GPAT2: variants seen among roughly 807,000 people sequenced by gnomAD.
The protein encoded by GPAT2 is 1-acylglycerol-3-phosphate O-acyltransferase GPAT2.
A neutral mutation model predicts 71.0 loss-of-function variants in GPAT2; 51 were observed. That is an observed-to-expected ratio of 0.72 (90% CI 0.57 to 0.91). GPAT2 has a LOEUF of 0.91. GPAT2 is among the 40% of genes least tolerant of loss of function. GPAT2 has a pLI of 0.00. For synonymous variants in GPAT2, 222 were observed against 290.3 expected (o/e 0.76, Z 2.39); for missense variants, 511 against 666.0 (o/e 0.77, Z 2.56).
At position 96,023,947 on chromosome 2, in the gene GPAT2, T is replaced by C. The variant is rs1463703344; in HGVS notation, c.1890A>G (p.Gln630=). Residue 630 remains glutamine (Q), a synonymous_variant, in exon 17 of 22, where the codon CAA becomes CAG. Coordinates refer to ENST00000434632, the MANE Select transcript of GPAT2 (RefSeq NM_001321527.2). ...YCQEVLDRLI[Q]CGLLVAEETP... ...CCTCCTCAGCAACCAGGAGCCCGCA[T>C]TGGATGAGCCGGTCCAGCACCTCCT... The C allele has an allele frequency of 2.5e-6, 4 of 1,605,618 alleles. No individual in the cohort carries two copies. The highest frequency in any genetic ancestry group is 2.2e-5 in the East Asian group (1 of 44,690).
In GPAT2 at chr2:96,023,099, G is replaced by A. The variant is rs780596501; in HGVS notation, c.2167+7C>T. 1 of 1,613,178 alleles carries A rather than the reference G, an allele frequency of 6.2e-7. No homozygotes were observed. The highest frequency in any genetic ancestry group is 8.5e-7 in the Non-Finnish European group (1 of 1,179,358). ...CCTCGAGGACTGCAAGGGAACAAGG[G>A]CCTCACCAGTATCGGGCAGCTGGCC... On this transcript the variant is annotated splice_region_variant and intron_variant, in intron 19 of 21. Coordinates refer to ENST00000434632, the MANE Select transcript of GPAT2 (RefSeq NM_001321527.2).
At chr2:96,022,845 T>C in intron 20 of GPAT2, 113 bp downstream of exon 20, 4 of 1,612,300 alleles carry the variant, frequency 2.5e-6, no homozygotes, top group Non-Finnish European at 2.5e-6. Context: ...GACAGAAGAC[T>C]GTACTCTGCA....
intron 19 of GPAT2, 39 bp from the exon 20 acceptor site, chr2:96,023,062 A>C: frequency 3.7e-6 from 6 of 1,614,004 alleles, no homozygotes; most frequent in Non-Finnish European, 5.1e-6. Context: ...CACCCAGCAC[A>C]GACACAGCCT....
chr2:96,023,326 C>T lies in GPAT2; in HGVS notation c.2029G>A (p.Asp677Asn), dbSNP rs746732165. 3 of 1,614,118 alleles carry T rather than the reference C, an allele frequency of 1.9e-6. No individual in the cohort carries two copies. Among genetic ancestry groups the T allele is most frequent in the East Asian group, 2.2e-5 (1 of 44,902 alleles). Residue 677 changes from aspartate (D) to asparagine (N), a missense_variant, in exon 18 of 22, where the codon GAC (aspartate) becomes AAC (asparagine). Transcript: ENST00000434632. ...DSDSDDFGEA[D>N]GRYFRLSQQS... Reference sequence around the variant, plus strand: ...AAACACACCCTGAAGTACCGGCCGTCAGCCTCTCCGAAGTCATCACTGTCA... The same window carrying T: ...AAACACACCCTGAAGTACCGGCCGTTAGCCTCTCCGAAGTCATCACTGTCA...
In GPAT2 at chr2:96,023,378, C is replaced by A; in HGVS notation, c.1977G>T (p.Trp659Cys). 6.2e-7 allele frequency: 1 copy of A among 1,614,212 alleles called. No individual in the cohort carries two copies. Among genetic ancestry groups the A allele is most frequent in the Non-Finnish European group, 8.5e-7 (1 of 1,180,028 alleles). ...TATCAGTAAAGTCCCCACTCGGTTT[C>A]CACAGCAGCTTTCTGCTCAATCGCT... ...GRQRLSRKLL[W>C]KPSGDFTDSD... The change falls in exon 18 of 22, where the codon TGG (tryptophan) becomes TGT (cysteine). Residue 659 changes from tryptophan (W) to cysteine (C), a missense_variant. By Grantham distance (215) the Trp-to-Cys change is radical. Transcript: ENST00000434632.
chr2:96,022,199 T>C lies in GPAT2; in HGVS notation c.2366A>G (p.Glu789Gly), dbSNP rs779348951. 1 of 1,611,186 alleles carries C rather than the reference T, an allele frequency of 6.2e-7. No homozygotes were observed. Among genetic ancestry groups the C allele is most frequent in the Non-Finnish European group, 8.5e-7 (1 of 1,179,436 alleles). The change falls in exon 22 of 22, where the codon GAA (glutamate) becomes GGA (glycine). Residue 789 changes from glutamate to glycine, a missense_variant. Glu to Gly is a moderately conservative substitution (Grantham distance 98). Around this residue, in one of 7 missense-constraint regions of GPAT2, gnomAD observed 108 missense variants for 117.6 expected, o/e 0.92. Coordinates refer to ENST00000434632, the MANE Select transcript of GPAT2 (RefSeq NM_001321527.2). ...CTGCCGGATGAACTGTTCTAGTTTT[T>C]CCTGATTGTCCAGGCTGGCAAAAGT... is the stretch of plus-strand genomic sequence containing the variant. ...SPTFASLDNQEKLEQFIRQFI... is the reference protein window; with the variant it reads ...SPTFASLDNQGKLEQFIRQFI...
At chr2:96,026,338 G>A (rs552518531) in intron 10 of GPAT2, 33 bp from the exon 11 acceptor site, 48 of 1,463,486 alleles carry the variant, frequency 3.3e-5, no homozygotes, top group South Asian at 1.7e-4. Context: ...TATACTCGCC[G>A]AGGACACTGC....
Position 96,023,428 on chromosome 2 carries a change from G to A in GPAT2, c.1927C>T (p.Arg643Trp), listed in dbSNP as rs200494170. 3,879 of 1,613,914 alleles carry A rather than the reference G, an allele frequency of 2.4e-3. 13 individuals are homozygous for A. The highest frequency in any genetic ancestry group is 6.8e-3 in the Middle Eastern group (41 of 6,060). ...LLVAEETPGS[R>W]PACDTGRQRL... ...TGTCGCCCTGTGTCACAGGCTGGCC[G>A]GGAGCCTGGGGTCTAGGGGCCGTGG... is the stretch of plus-strand genomic sequence containing the variant. The change falls in exon 18 of 22, where the codon CGG becomes TGG. Residue 643 changes from arginine to tryptophan, a missense_variant. Physicochemically the swap from Arg to Trp is moderately radical, Grantham distance 101 (BLOSUM62 -3). Coordinates refer to ENST00000434632, the MANE Select transcript of GPAT2 (RefSeq NM_001321527.2).
rs564071691 is a variant in GPAT2, at chr2:96,022,704, G to A, written c.2253C>T (p.Leu751=). ...EGIFECADPK[L]AISAVWTFRD... ...TGAAGGTCCAGACAGCACTGATGGC[G>A]AGCTTTGGGTCCGCACACTCTGGAA... The change falls in exon 21 of 22, where the codon CTC becomes CTT. Residue 751 remains leucine (L), a synonymous_variant. Coordinates refer to ENST00000434632, the MANE Select transcript of GPAT2 (RefSeq NM_001321527.2). The A allele has an allele frequency of 6.8e-6, 11 of 1,613,988 alleles. No individual in the cohort carries two copies. The highest frequency in any genetic ancestry group is 2.2e-5 in the South Asian group (2 of 91,072).
intron 11 of GPAT2, 80 bp downstream of exon 11, chr2:96,026,103 G>A: frequency 6.3e-7 from 1 of 1,575,368 alleles, no homozygotes; most frequent in South Asian, 1.1e-5. Context: ...TATCCCTGCA[G>A]TGGCTTTGAG....
Position 96,024,531 on chromosome 2 carries a change from CG to C in GPAT2, c.1582del (p.Arg528ValfsTer21). On this transcript the variant is annotated frameshift_variant, in exon 15 of 22. Transcript: ENST00000434632. LOFTEE classifies it high-confidence loss of function. ...CGGCACCACCAGCAAGTCACCCTGA[CG>C]GATGCGCAGCAGGGCCACGTGCGCC... is the stretch of plus-strand genomic sequence containing the variant. Reference protein sequence around the residue: ...LRAHVALLRIRQGDLLVVPQP... With the variant: ...LRAHVALLRIXQGDLLVVPQP... The C allele has an allele frequency of 6.2e-7, 1 of 1,613,904 alleles. No homozygotes were observed. The highest frequency in any genetic ancestry group is 8.5e-7 in the Non-Finnish European group (1 of 1,179,962).
Position 96,022,197 on chromosome 2 carries a change from T to G in GPAT2, c.2368A>C (p.Lys790Gln), listed in dbSNP as rs200849118. 4.5e-5 allele frequency: 72 copies of G among 1,611,092 alleles called. No homozygotes were observed. Among genetic ancestry groups the G allele is most frequent in the Non-Finnish European group, 5.7e-5 (67 of 1,179,458 alleles). The change falls in exon 22 of 22, where the codon AAA becomes CAA. Residue 790 changes from lysine (K) to glutamine (Q), a missense_variant. Transcript: ENST00000434632. ...PTFASLDNQE[K>Q]LEQFIRQFIC... ...AACTGCCGGATGAACTGTTCTAGTT[T>G]TTCCTGATTGTCCAGGCTGGCAAAA...
rs374430763 is a variant in GPAT2, at chr2:96,024,800, T to C, written c.1401A>G (p.Ala467=). Residue 467 remains alanine (A), a synonymous_variant, in exon 14 of 22, where the codon GCA becomes GCG. Coordinates refer to ENST00000434632, the MANE Select transcript of GPAT2 (RefSeq NM_001321527.2). ...SSAVMSTAIM[A]TLLLFKHQKG... ...TCTGATGCTTGAAGAGCAGCAGCGT[T>C]GCCATAATGGCCGTGCTCATCACCG... 1.6e-4 allele frequency: 260 copies of C among 1,613,720 alleles called. 1 individual carries two copies. In the African/African-American group the frequency reaches 1.9e-3, roughly 12 times the overall value.
intron 21 of GPAT2, 141 bp from the exon 22 acceptor site, chr2:96,022,416 G>T (rs1027717488): frequency 1.1e-5 from 12 of 1,120,882 alleles, no homozygotes; most frequent in Middle Eastern, 3.0e-4. Context: ...AAATGCTGCC[G>T]CAAAGCAGTC....
chr2:96,022,874 G>C, intron 20 of GPAT2, 84 bp downstream of exon 20: 1 of 1,612,160 alleles, frequency 6.2e-7, no homozygotes, highest in Non-Finnish European at 8.5e-7. Context: ...TCCTAGAGTT[G>C]GGTTGTCACT....
At chr2:96,026,574 C>T in intron 10 of GPAT2, 123 bp downstream of exon 10, 1 of 181,840 alleles carries the variant, frequency 5.5e-6, no homozygotes, top group South Asian at 5.6e-5. Flanking sequence ...ATTGTAAGGA[C>T]GATTCCTTTG....
In GPAT2 at chr2:96,023,241, C is replaced by A. The variant is rs1235639112; in HGVS notation, c.2047-15G>T. 1.9e-6 allele frequency: 3 copies of A among 1,611,842 alleles called. No individual in the cohort carries two copies. The African/African-American group carries it at 4.0e-5, about 22-fold the overall frequency. ...TGCTGGCTGAGCTGGAGGGGACAGG[C>A]CGGGGTGAGTGCAGCTCCCCACCGC... On this transcript the variant is annotated splice_polypyrimidine_tract_variant and intron_variant, in intron 18 of 21. Coordinates refer to ENST00000434632, the MANE Select transcript of GPAT2 (RefSeq NM_001321527.2).
At chr2:96,034,064 T>C (rs1420779010) in intron 1 of GPAT2, among the ~76,000 whole-genome samples, 1 of 150,438 alleles carries the variant, frequency 6.6e-6, no homozygotes, top group Non-Finnish European at 1.5e-5. Context: ...TACACACACA[T>C]ATATACATAT....
In GPAT2 at chr2:96,032,328, G is replaced by A; in HGVS notation, c.32C>T (p.Thr11Ile). Residue 11 changes from threonine to isoleucine, a missense_variant, in exon 2 of 22, where the codon ACT becomes ATT. Physicochemically the swap from Thr to Ile is moderately conservative, Grantham distance 89 (BLOSUM62 -1). Coordinates refer to ENST00000434632, the MANE Select transcript of GPAT2 (RefSeq NM_001321527.2). Reference sequence around the variant, plus strand: ...GCCACTGGGGCTGCTCCTTGGCTGAGTTTGGCATCTGCCTTCCAACATGGT... The same window carrying A: ...GCCACTGGGGCTGCTCCTTGGCTGAATTTGGCATCTGCCTTCCAACATGGT... MATMLEGRCQ[T>I]QPRSSPSGRE... is the part of the protein sequence containing the mutation. 1.3e-6 allele frequency: 2 copies of A among 1,511,914 alleles called. No individual in the cohort carries two copies. The highest frequency in any genetic ancestry group is 2.2e-5 in the South Asian group (2 of 89,416). The allele number at this position is 1,511,914 out of a possible 1,614,324, so 93.7% of individuals were successfully genotyped here.
Sources: allele counts gnomAD v4.1 joint callset (sites outside exome capture counted in the v4.1 genomes callset), GRCh38; gene constraint gnomAD v4.1.1; regional missense constraint gnomAD v4.1.1; transcripts MANE v1.5; gene names NCBI Gene and HGNC (gene_info 2026-07-23, HGNC 2026-07-21).